NTNG1: variants seen among roughly 807,000 people sequenced by gnomAD.
The protein encoded by NTNG1 is netrin G1.
A neutral mutation model predicts 54.0 loss-of-function variants in NTNG1; 16 were observed. That is an observed-to-expected ratio of 0.30 (90% CI 0.20 to 0.45). The LOEUF is 0.45. Among genes scored for constraint, NTNG1 ranks in the 20% least tolerant of loss-of-function variants. NTNG1 has a pLI of 1.00. For missense variants in NTNG1, 530 were observed against 678.7 expected, an observed-to-expected ratio of 0.78 and a Z score of 2.43; for synonymous variants, 255 against 263.1, an observed-to-expected ratio of 0.97 and a Z score of 0.30.
chr1:107,402,903 C>A (rs1312095700), intron 4 of NTNG1, among the ~76,000 whole-genome samples: 1 of 152,184 alleles, frequency 6.6e-6, no homozygotes, highest in African/African-American at 2.4e-5. Flanking sequence ...GTAATTTTTC[C>A]TCTCAATTTG....
At chr1:107,292,524 G>A (rs532124912) in intron 2 of NTNG1, among the ~76,000 whole-genome samples, 1 of 152,184 alleles carries the variant, frequency 6.6e-6, no homozygotes, top group Admixed American at 6.5e-5. Flanking sequence ...GCCAGCACCA[G>A]GAAAAGGCAG....
chr1:107,394,362 T>C (rs1003366395), intron 3 of NTNG1, among the ~76,000 whole-genome samples: 2 of 152,232 alleles, frequency 1.3e-5, no homozygotes, highest in Non-Finnish European at 2.9e-5. Flanking sequence ...TCATATATCA[T>C]GGCTTTATTC....
At chr1:107,155,426 C>A (rs958031812) in intron 2 of NTNG1, among the ~76,000 whole-genome samples, 6 of 152,124 alleles carry the variant, frequency 3.9e-5, no homozygotes, top group African/African-American at 1.4e-4. Context: ...ATCTCTCTCT[C>A]TCTCTATCTC....
chr1:107,352,740 A>G (rs1669698411), intron 3 of NTNG1, among the ~76,000 whole-genome samples: 1 of 152,252 alleles, frequency 6.6e-6, no homozygotes, highest in African/African-American at 2.4e-5. Context: ...TCACGAGGTC[A>G]GGAGTTCTTA....
intron 3 of NTNG1, among the ~76,000 whole-genome samples, chr1:107,388,211 T>C (rs1295552615): frequency 6.6e-6 from 1 of 152,206 alleles, no homozygotes; most frequent in Non-Finnish European, 1.5e-5. Context: ...GTAGAGATAG[T>C]AACTATAGAA....
At chr1:107,374,363 A>G (rs1295209606) in intron 3 of NTNG1, among the ~76,000 whole-genome samples, 2 of 152,124 alleles carry the variant, frequency 1.3e-5, no homozygotes, top group East Asian at 3.9e-4. Flanking sequence ...TATTCCAGTT[A>G]CACATGTCTT....
At chr1:107,290,682 G>C (rs184142977) in intron 2 of NTNG1, among the ~76,000 whole-genome samples, 2 of 152,060 alleles carry the variant, frequency 1.3e-5, no homozygotes, top group Non-Finnish European at 2.9e-5. Flanking sequence ...ATATGCTGTT[G>C]TATTTGAGGT....
chr1:107,273,591 C>T (rs1390258355), intron 2 of NTNG1, among the ~76,000 whole-genome samples: 2 of 152,214 alleles, frequency 1.3e-5, no homozygotes, highest in Non-Finnish European at 2.9e-5. Context: ...CACAGAATGC[C>T]TCATGCGGTG....
intron 3 of NTNG1, among the ~76,000 whole-genome samples, chr1:107,387,497 G>T (rs1367324193): frequency 6.6e-6 from 1 of 152,188 alleles, no homozygotes; most frequent in East Asian, 1.9e-4. Flanking sequence ...GGAAGCCTGG[G>T]ATTTCTAACA....
intron 5 of NTNG1, among the ~76,000 whole-genome samples, chr1:107,412,542 A>T (rs1026582653): frequency 6.6e-6 from 1 of 152,156 alleles, no homozygotes; most frequent in African/African-American, 2.4e-5. Flanking sequence ...ATTGCCTCCT[A>T]CCCTAGATTT....
At chr1:107,295,248 TCCC>T (rs1249101301) in intron 2 of NTNG1, among the ~76,000 whole-genome samples, 182 of 152,328 alleles carry the variant, frequency 1.2e-3, no homozygotes, top group Middle Eastern at 3.4e-3. Flanking sequence ...TTCTTGTGGT[TCCC>T]TTTAGATGTG....
chr1:107,214,411 T>C (rs1178091187), intron 2 of NTNG1, among the ~76,000 whole-genome samples: 2 of 152,200 alleles, frequency 1.3e-5, no homozygotes, highest in Non-Finnish European at 2.9e-5. Context: ...AGAATAATGG[T>C]CTCCAATTCC....
intron 7 of NTNG1, among the ~76,000 whole-genome samples, chr1:107,466,643 G>T (rs1305050924): frequency 1.3e-5 from 2 of 152,160 alleles, no homozygotes; most frequent in Admixed American, 6.5e-5. Flanking sequence ...AATCTAACCT[G>T]GGTATGTCTT....
rs1677617871 is a variant in NTNG1, at chr1:107,466,490, C to A, written c.1391-14121C>A. 4.6e-5 allele frequency among the ~76,000 whole-genome samples: 7 copies of A among 152,234 alleles called. 1 individual carries two copies. The South Asian group carries it at 1.5e-3, about 32-fold the overall frequency. On this transcript the variant is annotated intron_variant, in intron 7 of 7. Coordinates refer to ENST00000370068, the MANE Select transcript of NTNG1 (RefSeq NM_001113226.3). ...ATGGAGCTTTTATTCTAGAATAACTCCCTATTCATATAAAAGTACATATCT... is the reference window on the plus strand; with the variant it reads ...ATGGAGCTTTTATTCTAGAATAACTACCTATTCATATAAAAGTACATATCT...
At chr1:107,146,077 A>T (rs769795790) in intron 1 of NTNG1, among the ~76,000 whole-genome samples, 1 of 152,094 alleles carries the variant, frequency 6.6e-6, no homozygotes, top group African/African-American at 2.4e-5. Flanking sequence ...AAAGAAAGTG[A>T]AGACTAATCT....
intron 2 of NTNG1, among the ~76,000 whole-genome samples, chr1:107,296,308 T>A (rs556200063): frequency 1.3e-5 from 2 of 152,234 alleles, no homozygotes; most frequent in East Asian, 3.9e-4. Context: ...GTGGAAGGAA[T>A]CATAGGTCAA....
At chr1:107,466,023 G>A (rs1391558406) in intron 7 of NTNG1, among the ~76,000 whole-genome samples, 1 of 152,130 alleles carries the variant, frequency 6.6e-6, no homozygotes, top group Non-Finnish European at 1.5e-5. Context: ...TTCATGTTGT[G>A]GAGTAAAAGC....
intron 2 of NTNG1, among the ~76,000 whole-genome samples, chr1:107,240,526 C>T (rs1307161788): frequency 6.6e-6 from 1 of 152,136 alleles, no homozygotes; most frequent in East Asian, 1.9e-4. Context: ...TGAAGGTGTC[C>T]ATTCTGCTTG....
At chr1:107,321,383 C>T (rs1667653716) in intron 2 of NTNG1, among the ~76,000 whole-genome samples, 1 of 152,020 alleles carries the variant, frequency 6.6e-6, no homozygotes, top group Non-Finnish European at 1.5e-5. Flanking sequence ...GAACTTGATA[C>T]AAATGTAGAC....
Sources: allele counts gnomAD v4.1 joint callset (sites outside exome capture counted in the v4.1 genomes callset), GRCh38; gene constraint gnomAD v4.1.1; transcripts MANE v1.5; gene names NCBI Gene and HGNC (gene_info 2026-07-23, HGNC 2026-07-21).